The following SAMTOR variants were observed in gnomAD, a reference collection of about 807,000 sequenced individuals.
SAMTOR encodes S-adenosylmethionine sensor upstream of mTORC1.
the SAMTOR span, among the ~76,000 whole-genome samples, chr7:112,936,886 C>T: frequency 8.5e-5 from 13 of 152,158 alleles, no homozygotes; most frequent in African/African-American, 3.1e-4. Context: ...AGGGCCACTT[C>T]CTGCTTCTCA....
the SAMTOR span, among the ~76,000 whole-genome samples, chr7:112,823,777 T>G: frequency 1.3e-5 from 2 of 152,230 alleles, no homozygotes; most frequent in Admixed American, 1.3e-4. Context: ...AGTTTCATGT[T>G]CCCACCAGGA....
the SAMTOR span, among the ~76,000 whole-genome samples, chr7:112,837,886 G>A: frequency 6.6e-6 from 1 of 151,896 alleles, no homozygotes; most frequent in Non-Finnish European, 1.5e-5. Flanking sequence ...TATTGTTGAT[G>A]CATTAACATT....
chr7:112,919,301 A>G, the SAMTOR span, among the ~76,000 whole-genome samples: 36 of 152,342 alleles, frequency 2.4e-4, no homozygotes, highest in Middle Eastern at 3.4e-3. Flanking sequence ...AACTCACTCA[A>G]AACCACTCAA....
chr7:112,893,670 G>A, the SAMTOR span, among the ~76,000 whole-genome samples: 4 of 152,290 alleles, frequency 2.6e-5, no homozygotes, highest in South Asian at 4.1e-4. Flanking sequence ...TTGGGAGGCC[G>A]AGGTAGGTGG....
chr7:112,914,441 T>C, the SAMTOR span, among the ~76,000 whole-genome samples: 1 of 152,114 alleles, frequency 6.6e-6, no homozygotes, highest in African/African-American at 2.4e-5. Context: ...TTAGTCAATA[T>C]ACTTATCCTT....
chr7:112,906,955 T>A, the SAMTOR span, among the ~76,000 whole-genome samples: 1 of 152,128 alleles, frequency 6.6e-6, no homozygotes, highest in Non-Finnish European at 1.5e-5. Context: ...GTAATCTCAA[T>A]AAAAGTAATT....
At chr7:112,888,661 C>T in the SAMTOR span, among the ~76,000 whole-genome samples, 4 of 152,082 alleles carry the variant, frequency 2.6e-5, no homozygotes, top group Non-Finnish European at 5.9e-5. Context: ...CTATGTGAAC[C>T]CTTGCTATCT....
At chr7:112,837,113 C>T in the SAMTOR span, among the ~76,000 whole-genome samples, 17 of 151,124 alleles carry the variant, frequency 1.1e-4, no homozygotes, top group Admixed American at 1.1e-3. Flanking sequence ...ATCTCTGATT[C>T]GAGCATTGTT....
At chr7:112,895,598 G>A in the SAMTOR span, 4 of 1,575,928 alleles carry the variant, frequency 2.5e-6, no homozygotes, top group Middle Eastern at 3.4e-4. Context: ...TTGTAAAGCT[G>A]AGGTTGGTTA....
the SAMTOR span, among the ~76,000 whole-genome samples, chr7:112,901,692 T>C: frequency 1.3e-5 from 2 of 152,210 alleles, no homozygotes; most frequent in South Asian, 2.1e-4. Context: ...TTATCTAAAA[T>C]ATAGAAAGAA....
the SAMTOR span, among the ~76,000 whole-genome samples, chr7:112,823,321 G>A: frequency 6.6e-6 from 1 of 152,164 alleles, no homozygotes; most frequent in African/African-American, 2.4e-5. Flanking sequence ...TTACACTCAT[G>A]AAACCACTGG....
At chr7:112,909,499 C>A in the SAMTOR span, among the ~76,000 whole-genome samples, 1 of 152,070 alleles carries the variant, frequency 6.6e-6, no homozygotes, top group Non-Finnish European at 1.5e-5. Context: ...AACTGTATAG[C>A]AAATTGGTAT....
the SAMTOR span, among the ~76,000 whole-genome samples, chr7:112,879,652 A>C: frequency 6.6e-6 from 1 of 152,300 alleles, no homozygotes; most frequent in East Asian, 1.9e-4. Context: ...AAGTGCTCCA[A>C]TGAACACTTC....
At chr7:112,896,007 G>A in the SAMTOR span, among the ~76,000 whole-genome samples, 1 of 152,056 alleles carries the variant, frequency 6.6e-6, no homozygotes, top group African/African-American at 2.4e-5. Context: ...ATACTTTACT[G>A]AACTTCTCTC....
chr7:112,883,627 A>C, the SAMTOR span, among the ~76,000 whole-genome samples: 3 of 152,216 alleles, frequency 2.0e-5, no homozygotes, highest in African/African-American at 7.2e-5. Context: ...TTCTTAGAGC[A>C]CTGTGCATAA....
At chr7:112,873,174 T>C in the SAMTOR span, among the ~76,000 whole-genome samples, 1 of 152,006 alleles carries the variant, frequency 6.6e-6, no homozygotes, top group African/African-American at 2.4e-5. Flanking sequence ...GCTCTTCCTA[T>C]CAAATCACCA....
At chr7:112,919,693 G>T in the SAMTOR span, among the ~76,000 whole-genome samples, 1 of 151,822 alleles carries the variant, frequency 6.6e-6, no homozygotes, top group African/African-American at 2.4e-5. Flanking sequence ...AAAATTGATA[G>T]ACCGCTAGCA....
At chr7:112,855,922 T>A in the SAMTOR span, among the ~76,000 whole-genome samples, 3 of 152,018 alleles carry the variant, frequency 2.0e-5, no homozygotes, top group Non-Finnish European at 2.9e-5. Context: ...AAAAAAAAAC[T>A]TTTACTTTCT....
At chr7:112,935,281 A>C in the SAMTOR span, 1 of 423,256 alleles carries the variant, frequency 2.4e-6, no homozygotes, top group Non-Finnish European at 4.6e-6. Context: ...AAAAAAAATA[A>C]GAAAAGTTCA....
Sources: gnomAD v4.1 joint callset for allele counts (sites outside exome capture counted in the v4.1 genomes callset) on GRCh38, gnomAD v4.1.1 for gene constraint, MANE v1.5 for transcripts, NCBI Gene and HGNC (gene_info 2026-07-23, HGNC 2026-07-21) for gene names.